ADGRG6: variants seen among roughly 807,000 people sequenced by gnomAD.
The protein encoded by ADGRG6 is adhesion G protein-coupled receptor G6.
Under a neutral mutation model 142.4 loss-of-function variants are expected in ADGRG6, and 84 were observed. The observed-to-expected ratio is 0.59, with a 90% CI of 0.49 to 0.71. ADGRG6 has a LOEUF of 0.71. ADGRG6 is among the 30% of genes least tolerant of loss of function. ADGRG6 has a pLI of 0.00. For synonymous variants in ADGRG6, 521 were observed against 520.5 expected, an observed-to-expected ratio of 1.00 and a Z score of -0.01; for missense variants, 1,367 against 1,466.6, an observed-to-expected ratio of 0.93 and a Z score of 1.11.
Position 142,400,556 on chromosome 6 carries a change from C to T in ADGRG6, c.1639C>T (p.Pro547Ser), listed in dbSNP as rs1278191598. Residue 547 changes from proline (P) to serine (S), a missense_variant, in exon 11 of 25, where the codon CCT (proline) becomes TCT (serine). Coordinates refer to ENST00000367609, the MANE Select transcript of ADGRG6 (RefSeq NM_198569.3). ...PSIQPSEYVL[P>S]CPDKPGFSAS... is the part of the protein sequence containing the mutation. ...TATCCAACCTTCTGAATACGTTCTT[C>T]CTTGTCCAGACAAGCCTGGCTTTTC... 6.2e-7 allele frequency: 1 copy of T among 1,606,616 alleles called. No individual in the cohort carries two copies. The highest frequency in any genetic ancestry group is 1.7e-5 in the Admixed American group (1 of 59,864).
intron 4 of ADGRG6, among the ~76,000 whole-genome samples, chr6:142,371,524 C>A (rs75262774): frequency 0.075 from 10,915 of 144,818 alleles, 543 homozygotes; most frequent in East Asian, 0.24. Context: ...CGCTATGCTG[C>A]CCAGGCTGGA....
At chr6:142,324,754 G>T (rs981786376) in intron 2 of ADGRG6, among the ~76,000 whole-genome samples, 1 of 152,016 alleles carries the variant, frequency 6.6e-6, no homozygotes, top group African/African-American at 2.4e-5. Context: ...CTTATTCTAT[G>T]TCTTGTTGCC....
At chr6:142,412,090 C>T (rs1052491580) in intron 18 of ADGRG6, among the ~76,000 whole-genome samples, 5 of 152,156 alleles carry the variant, frequency 3.3e-5, no homozygotes, top group African/African-American at 7.2e-5. Flanking sequence ...AATTAGATTG[C>T]GTCAATGTGT....
chr6:142,427,229 C>T (rs920129459), intron 22 of ADGRG6, among the ~76,000 whole-genome samples: 3 of 152,158 alleles, frequency 2.0e-5, no homozygotes, highest in African/African-American at 7.2e-5. Context: ...ATGATTTTAA[C>T]AGCACTCAGG....
At chr6:142,413,913 A>T (rs1213836085) in intron 18 of ADGRG6, among the ~76,000 whole-genome samples, 1 of 147,164 alleles carries the variant, frequency 6.8e-6, no homozygotes, top group African/African-American at 2.6e-5. Context: ...ACACACACAC[A>T]CACACACACA....
chr6:142,339,112 C>T (rs1779494764), intron 2 of ADGRG6, among the ~76,000 whole-genome samples: 1 of 152,158 alleles, frequency 6.6e-6, no homozygotes, highest in South Asian at 2.1e-4. Flanking sequence ...CAGGTGTTAA[C>T]TTAAATATTT....
chr6:142,404,863 A>T (rs1046176287), intron 14 of ADGRG6, among the ~76,000 whole-genome samples: 2 of 152,194 alleles, frequency 1.3e-5, no homozygotes, highest in African/African-American at 4.8e-5. Context: ...GGCTGGACAC[A>T]TAAGCTGGGG....
intron 16 of ADGRG6, among the ~76,000 whole-genome samples, 158 bp from the exon 17 acceptor site, chr6:142,409,713 GAGA>G (rs757487360): frequency 7.2e-5 from 11 of 152,198 alleles, no homozygotes; most frequent in East Asian, 1.9e-4. Flanking sequence ...CTCTATGGGA[GAGA>G]AGAAGATCCC....
chr6:142,370,686 T>C lies in ADGRG6; in HGVS notation c.962T>C (p.Ile321Thr). The C allele has an allele frequency of 6.2e-7, 1 of 1,613,852 alleles. No homozygotes were observed. Among genetic ancestry groups the C allele is most frequent in the Non-Finnish European group, 8.5e-7 (1 of 1,179,784 alleles). The change falls in exon 4 of 25, where the codon ATC (isoleucine) becomes ACC (threonine). Residue 321 changes from isoleucine (I) to threonine (T), a missense_variant. By Grantham distance (89) the Ile-to-Thr change is moderately conservative (BLOSUM62 -1). Transcript: ENST00000367609. The stretch of plus-strand genomic sequence containing the variant: ...TGGAATTTTACCATGAATGCCAAAA[T>C]CCTCTCCAACCTCAGCTGTAATGTG... Reference protein sequence around the residue: ...RLWNFTMNAKILSNLSCNVKG... With the variant: ...RLWNFTMNAKTLSNLSCNVKG...
At chr6:142,386,302 A>G (rs753254400) in intron 6 of ADGRG6, among the ~76,000 whole-genome samples, 11 of 152,234 alleles carry the variant, frequency 7.2e-5, no homozygotes, top group Non-Finnish European at 1.5e-4. Context: ...ATCTTACCAT[A>G]GGCTGATTGA....
At chr6:142,410,294 G>A (rs1299986533) in intron 17 of ADGRG6, among the ~76,000 whole-genome samples, 1 of 152,076 alleles carries the variant, frequency 6.6e-6, no homozygotes, top group Non-Finnish European at 1.5e-5. Flanking sequence ...TATGTGTAAG[G>A]CAGACAATTT....
At chr6:142,424,120 G>A (rs1291286599) in intron 22 of ADGRG6, among the ~76,000 whole-genome samples, 16 of 110,670 alleles carry the variant, frequency 1.4e-4, no homozygotes, top group African/African-American at 4.1e-4. Flanking sequence ...CTGCAAACAG[G>A]GACAATTTGA....
chr6:142,419,986 G>C lies in ADGRG6; in HGVS notation c.3201G>C (p.Leu1067=). 1 of 1,613,568 alleles carries C rather than the reference G, an allele frequency of 6.2e-7. No individual in the cohort carries two copies. The highest frequency in any genetic ancestry group is 1.1e-5 in the South Asian group (1 of 91,082). ...RTLREEVLRN[L]RSVVSLTFLL... ...TGAGAGAAGAAGTGTTAAGGAACCT[G>C]CGCAGTGTGGTTAGCTTGACCTTTC... Residue 1067 remains leucine (L), a synonymous_variant, in exon 22 of 25, where the codon CTG becomes CTC. Transcript: ENST00000367609.
chr6:142,361,799 C>G (rs1461734677), intron 2 of ADGRG6, among the ~76,000 whole-genome samples: 1 of 149,296 alleles, frequency 6.7e-6, no homozygotes, highest in East Asian at 2.0e-4. Flanking sequence ...TATTCATTGC[C>G]TTTAGATTGT....
At chr6:142,323,456 A>G (rs567307000) in intron 2 of ADGRG6, among the ~76,000 whole-genome samples, 1 of 152,216 alleles carries the variant, frequency 6.6e-6, no homozygotes, top group African/African-American at 2.4e-5. Flanking sequence ...ATATTTTGCT[A>G]TACAGGACCT....
intron 2 of ADGRG6, among the ~76,000 whole-genome samples, chr6:142,346,850 G>C (rs1048646921): frequency 2.3e-5 from 2 of 88,022 alleles, no homozygotes; most frequent in African/African-American, 9.2e-5. Flanking sequence ...ATAGGGAGGG[G>C]AACATCACAC....
At chr6:142,324,236 T>C (rs1778654742) in intron 2 of ADGRG6, among the ~76,000 whole-genome samples, 1 of 152,094 alleles carries the variant, frequency 6.6e-6, no homozygotes, top group African/African-American at 2.4e-5. Context: ...CACTTTCCTA[T>C]AAACATTTCT....
At chr6:142,443,061 T>C (rs1170065952) in intron 24 of ADGRG6, among the ~76,000 whole-genome samples, 1 of 152,168 alleles carries the variant, frequency 6.6e-6, no homozygotes, top group Non-Finnish European at 1.5e-5. Context: ...TTCCAATTAT[T>C]TTTTCATTGG....
chr6:142,414,189 C>T (rs992593853), intron 18 of ADGRG6, among the ~76,000 whole-genome samples: 3 of 152,036 alleles, frequency 2.0e-5, no homozygotes, highest in African/African-American at 7.2e-5. Flanking sequence ...ATCCCAATCC[C>T]CCATTTAAGG....
Sources: allele counts gnomAD v4.1 joint callset (sites outside exome capture counted in the v4.1 genomes callset), GRCh38; gene constraint gnomAD v4.1.1; transcripts MANE v1.5; gene names NCBI Gene and HGNC (gene_info 2026-07-23, HGNC 2026-07-21).